TIAM1: variants seen among roughly 807,000 people sequenced by gnomAD.
The protein encoded by TIAM1 is rho guanine nucleotide exchange factor TIAM1.
In TIAM1, 65 loss-of-function variants were observed where a neutral mutation model predicts 163.5. The ratio of observed to expected loss-of-function variants is 0.40; its 90% CI spans 0.33 to 0.49. TIAM1 has a LOEUF of 0.49. TIAM1 is among the 20% of genes least tolerant of loss of function. The pLI is 0.77. For missense variants in TIAM1, 1,789 were observed against 2,044.7 expected, an observed-to-expected ratio of 0.87 and a Z score of 2.41; for synonymous variants, 833 against 810.1, an observed-to-expected ratio of 1.03 and a Z score of -0.48.
At chr21:31,420,277 T>C (rs2043520004) in intron 2 of TIAM1, among the ~76,000 whole-genome samples, 1 of 152,070 alleles carries the variant, frequency 6.6e-6, no homozygotes, top group South Asian at 2.1e-4. Context: ...ACAAAACAGC[T>C]CATAGCCCAG....
intron 4 of TIAM1, among the ~76,000 whole-genome samples, chr21:31,262,358 A>G (rs941028184): frequency 1.3e-5 from 2 of 152,334 alleles, no homozygotes; most frequent in Admixed American, 6.5e-5. Flanking sequence ...AAAGAAATTC[A>G]TAAAGTTCAG....
At chr21:31,379,635 A>G (rs536347399) in intron 2 of TIAM1, among the ~76,000 whole-genome samples, 22 of 152,338 alleles carry the variant, frequency 1.4e-4, no homozygotes, top group Non-Finnish European at 2.6e-4. Context: ...ATGTCCATCA[A>G]TTAATGAGTG....
chr21:31,492,345 C>T (rs1301977453), intron 1 of TIAM1, among the ~76,000 whole-genome samples: 1 of 152,206 alleles, frequency 6.6e-6, no homozygotes, highest in African/African-American at 2.4e-5. Context: ...AGCTGATCTT[C>T]ACAGGTGCAG....
chr21:31,286,682 C>T (rs1309323381), intron 2 of TIAM1, among the ~76,000 whole-genome samples: 2 of 152,170 alleles, frequency 1.3e-5, no homozygotes, highest in Admixed American at 6.5e-5. Flanking sequence ...CATGGTACTC[C>T]ACCCTAGGCA....
At chr21:31,477,421 C>T (rs977233880) in intron 1 of TIAM1, among the ~76,000 whole-genome samples, 10 of 151,796 alleles carry the variant, frequency 6.6e-5, no homozygotes, top group African/African-American at 9.7e-5. Context: ...ACAATATCCA[C>T]GCATTCCCCA....
Position 31,266,268 on chromosome 21 carries a change from C to T in TIAM1, c.705G>A (p.Leu235=). 1 of 1,614,218 alleles carries T rather than the reference C, an allele frequency of 6.2e-7. No individual in the cohort carries two copies. ...TCACTCCAGAGTTTTTCTGAGCATA[C>T]AAGTCACCCAAGGAATTGGCTCTCT... ...TCQRANSLGD[L]YAQKNSGVTA... is the part of the protein sequence containing the mutation. Residue 235 remains leucine, a synonymous_variant, in exon 4 of 28, where the codon TTG becomes TTA. Transcript: ENST00000541036.
chr21:31,366,593 C>T (rs1274203204), intron 2 of TIAM1, among the ~76,000 whole-genome samples: 2 of 152,094 alleles, frequency 1.3e-5, no homozygotes, highest in Admixed American at 1.3e-4. Context: ...CCAAGGAAGG[C>T]AGAGACTATT....
chr21:31,162,876 T>A (rs1221831570), intron 16 of TIAM1, among the ~76,000 whole-genome samples: 4 of 152,146 alleles, frequency 2.6e-5, no homozygotes, highest in African/African-American at 9.7e-5. Context: ...TATTTGACCC[T>A]TCATGTTCCA....
chr21:31,176,095 A>G (rs2084751690), intron 15 of TIAM1, among the ~76,000 whole-genome samples: 1 of 152,170 alleles, frequency 6.6e-6, no homozygotes, highest in Non-Finnish European at 1.5e-5. Flanking sequence ...GATGGGCACA[A>G]CTTGGGGAGG....
intron 2 of TIAM1, among the ~76,000 whole-genome samples, chr21:31,353,700 T>G (rs2076270047): frequency 6.6e-6 from 1 of 152,172 alleles, no homozygotes; most frequent in Middle Eastern, 3.4e-3. Context: ...GGTCTAAAAT[T>G]CTAACCTAGT....
chr21:31,473,567 G>A (rs748885298), intron 1 of TIAM1, among the ~76,000 whole-genome samples: 20 of 150,568 alleles, frequency 1.3e-4, no homozygotes, highest in African/African-American at 3.2e-4. Flanking sequence ...TCACTATGTT[G>A]GCTTCTTGGT....
intron 2 of TIAM1, among the ~76,000 whole-genome samples, chr21:31,295,179 G>A (rs749752818): frequency 3.4e-4 from 51 of 152,124 alleles, no homozygotes; most frequent in Non-Finnish European, 6.2e-4. Context: ...CTTCTTAAAG[G>A]GTCTTAAAGG....
At chr21:31,134,859 T>C (rs757726991) in intron 23 of TIAM1, among the ~76,000 whole-genome samples, 2 of 152,174 alleles carry the variant, frequency 1.3e-5, no homozygotes, top group Non-Finnish European at 2.9e-5. Context: ...AGGGGCTCTT[T>C]GGAAATTTTG....
chr21:31,138,893 T>C (rs1367973510), intron 22 of TIAM1, among the ~76,000 whole-genome samples: 2 of 152,242 alleles, frequency 1.3e-5, no homozygotes, highest in Non-Finnish European at 2.9e-5. Context: ...TTTGGCATCT[T>C]TTCCAAGCCA....
rs760676868 is a variant in TIAM1 at position 31,266,375 on chromosome 21, A to G, written c.598T>C (p.Leu200=). 9 of 1,614,044 alleles carry G rather than the reference A, an allele frequency of 5.6e-6. No individual in the cohort carries two copies. The African/African-American group carries it at 1.1e-4, about 19-fold the overall frequency. ...QEHLTSNEEI[L]GSAEEKDCEE... ...CAGTCCTTCTCTTCGGCGGAACCCAAGATTTCTTCGTTGCTTGTTAAATGT... is the reference window on the plus strand; with the variant it reads ...CAGTCCTTCTCTTCGGCGGAACCCAGGATTTCTTCGTTGCTTGTTAAATGT... The change falls in exon 4 of 28, where the codon TTG becomes CTG. Residue 200 remains leucine (L), a synonymous_variant. Transcript: ENST00000541036.
At chr21:31,242,433 G>A (rs890117914) in intron 6 of TIAM1, among the ~76,000 whole-genome samples, 8 of 152,224 alleles carry the variant, frequency 5.3e-5, no homozygotes, top group African/African-American at 1.9e-4. Context: ...TGAGCTGGGA[G>A]GATTGCTCAG....
At chr21:31,372,937 A>C (rs1246959572) in intron 2 of TIAM1, among the ~76,000 whole-genome samples, 1 of 152,000 alleles carries the variant, frequency 6.6e-6, no homozygotes, top group African/African-American at 2.4e-5. Flanking sequence ...TGCCTGTAAT[A>C]GCAGCTACTC....
intron 10 of TIAM1, among the ~76,000 whole-genome samples, chr21:31,210,638 A>G (rs2086725508): frequency 3.7e-5 from 1 of 27,130 alleles, no homozygotes; most frequent in Admixed American, 3.6e-4. Flanking sequence ...AGAAAGAAAG[A>G]AAGAAAGAAA....
At chr21:31,413,834 T>C (rs2833397) in intron 2 of TIAM1, among the ~76,000 whole-genome samples, 36,800 of 151,942 alleles carry the variant, frequency 0.24, 6,280 homozygotes, top group African/African-American at 0.48. Context: ...GTTCCAGTGC[T>C]GCTAAATGAG....
Sources: gnomAD v4.1 joint callset for allele counts (sites outside exome capture counted in the v4.1 genomes callset) on GRCh38, gnomAD v4.1.1 for gene constraint, MANE v1.5 for transcripts, NCBI Gene and HGNC (gene_info 2026-07-23, HGNC 2026-07-21) for gene names.